Variants in PIK3C3 observed in about 807,000 individuals in gnomAD.
PIK3C3 encodes the protein phosphatidylinositol 3-kinase catalytic subunit type 3, also known as PI3-kinase type 3.
In PIK3C3, 95 loss-of-function variants were observed where a neutral mutation model predicts 126.1. The observed-to-expected ratio is 0.75, with a 90% CI of 0.64 to 0.89. PIK3C3 has a LOEUF of 0.89. Among genes scored for constraint, PIK3C3 ranks in the 40% least tolerant of loss-of-function variants. PIK3C3 has a pLI of 0.00. For synonymous variants in PIK3C3, 374 were observed against 360.0 expected (o/e 1.04, Z -0.44); for missense variants, 829 against 1,063.2 (o/e 0.78, Z 3.06).
In PIK3C3 at chr18:42,027,466, A is replaced by G; in HGVS notation, c.1508A>G (p.Asp503Gly). The G allele has an allele frequency of 6.2e-7, 1 of 1,605,920 alleles. No individual in the cohort carries two copies. The highest frequency in any genetic ancestry group is 1.3e-5 in the African/African-American group (1 of 74,816). The change falls in exon 14 of 25, where the codon GAT becomes GGT. Residue 503 changes from aspartate to glycine, a missense_variant. Physicochemically the swap from Asp to Gly is moderately conservative, Grantham distance 94 (BLOSUM62 -1). Coordinates refer to ENST00000262039, the MANE Select transcript of PIK3C3 (RefSeq NM_002647.4). ...AGGTATGTGATAGTGGAATGTGAAG[A>G]TCAAGATACTCAGCAGAGAGATCCA... ...LYWYVIVECE[D>G]QDTQQRDPKT...
At chr18:41,999,908 G>C (rs1287663247) in intron 9 of PIK3C3, among the ~76,000 whole-genome samples, 1 of 152,074 alleles carries the variant, frequency 6.6e-6, no homozygotes, top group Non-Finnish European at 1.5e-5. Context: ...TTAGGTTCAG[G>C]AAACAGTTTT....
intron 24 of PIK3C3, among the ~76,000 whole-genome samples, chr18:42,069,723 T>C (rs556991512): frequency 1.3e-5 from 2 of 152,318 alleles, no homozygotes; most frequent in African/African-American, 2.4e-5. Context: ...CTCTCCATCA[T>C]GGGTTTTCCT....
intron 15 of PIK3C3, 72 bp from the exon 16 acceptor site, chr18:42,033,754 T>C: frequency 8.7e-7 from 1 of 1,155,264 alleles, no homozygotes; most frequent in Non-Finnish European, 1.2e-6. Flanking sequence ...AATCAATTTT[T>C]ATGTCTTTAC....
In PIK3C3 at chr18:42,086,085, C is replaced by G. The variant is rs909396248; in HGVS notation, c.*4948C>G. 1 of 152,080 alleles carries G rather than the reference C, an allele frequency of 6.6e-6. No homozygotes were observed. Among genetic ancestry groups the G allele is most frequent in the African/African-American group, 2.4e-5 (1 of 41,394 alleles). The allele number at this position is 152,080 out of a possible 1,614,324, so 9.4% of individuals were successfully genotyped here. A position where few individuals can be genotyped will look rare whatever the true frequency, so the allele number is the denominator to read the frequency against. On this transcript the variant is annotated 3_prime_UTR_variant, in exon 25 of 25. Coordinates refer to ENST00000262039, the MANE Select transcript of PIK3C3 (RefSeq NM_002647.4). The stretch of plus-strand genomic sequence containing the variant: ...GCAGTGAGCTGAGATTGCACCATTG[C>G]ACTGCAGCCTGGGTAATAGAGCGAG...
intron 9 of PIK3C3, among the ~76,000 whole-genome samples, chr18:41,998,641 GT>G (rs1982140006): frequency 6.6e-6 from 1 of 152,186 alleles, no homozygotes; most frequent in Non-Finnish European, 1.5e-5. Flanking sequence ...TTGATTTCAA[GT>G]TTTCGAAAGG....
chr18:42,064,439 A>T (rs1437959086), intron 22 of PIK3C3, among the ~76,000 whole-genome samples: 2 of 152,208 alleles, frequency 1.3e-5, no homozygotes, highest in Non-Finnish European at 2.9e-5. Flanking sequence ...GATCTTCCTC[A>T]GATCCCTTCT....
intron 21 of PIK3C3, among the ~76,000 whole-genome samples, chr18:42,057,140 T>G (rs1279490476): frequency 6.7e-6 from 1 of 148,918 alleles, no homozygotes; most frequent in Non-Finnish European, 1.5e-5. Flanking sequence ...TTACATACTA[T>G]ACAATGAAAA....
At chr18:41,975,823 C>T (rs1159386528) in intron 4 of PIK3C3, among the ~76,000 whole-genome samples, 2 of 151,908 alleles carry the variant, frequency 1.3e-5, no homozygotes, top group East Asian at 1.9e-4. Flanking sequence ...CCTCAGCCTC[C>T]CAGGTAGCTG....
intron 3 of PIK3C3, among the ~76,000 whole-genome samples, chr18:41,966,971 T>C (rs1191559374): frequency 6.6e-6 from 1 of 152,220 alleles, no homozygotes; most frequent in Non-Finnish European, 1.5e-5. Context: ...CTGTTCCCCC[T>C]GTACTGGCGC....
chr18:42,010,914 G>A (rs1356677555), intron 10 of PIK3C3, among the ~76,000 whole-genome samples: 1 of 152,200 alleles, frequency 6.6e-6, no homozygotes, highest in Non-Finnish European at 1.5e-5. Context: ...TTTTTGGGCA[G>A]TAGAATGGAT....
At position 42,004,413 on chromosome 18, in the gene PIK3C3, G is replaced by T; in HGVS notation, c.1042G>T (p.Ala348Ser). ...GGATCTACCTCAAGAGGCCAAACAG[G>T]CCTTGGAACTTCTGGGAAAATGGAA... ...NWDLPQEAKQ[A>S]LELLGKWKPM... The change falls in exon 10 of 25, where the codon GCC becomes TCC. Residue 348 changes from alanine to serine, a missense_variant. By Grantham distance (99) the Ala-to-Ser change is moderately conservative (BLOSUM62 1). Around this residue, in one of 4 missense-constraint regions of PIK3C3, gnomAD observed 64 missense variants for 118.7 expected, o/e 0.54. Transcript: ENST00000262039. The T allele has an allele frequency of 1.2e-6, 2 of 1,613,750 alleles. No homozygotes were observed. Among genetic ancestry groups the T allele is most frequent in the South Asian group, 2.2e-5 (2 of 91,044 alleles).
intron 4 of PIK3C3, among the ~76,000 whole-genome samples, chr18:41,982,945 A>G (rs1981281263): frequency 6.6e-6 from 1 of 152,024 alleles, no homozygotes; most frequent in African/African-American, 2.4e-5. Flanking sequence ...GATAAGTCAT[A>G]ATTGATTTCA....
At chr18:41,989,034 A>G (rs1981640278) in intron 5 of PIK3C3, among the ~76,000 whole-genome samples, 2 of 152,122 alleles carry the variant, frequency 1.3e-5, no homozygotes, top group South Asian at 4.2e-4. Context: ...TATGCTTCAT[A>G]AAGCTGAAGA....
At chr18:41,958,789 A>G (rs2144287141) in intron 2 of PIK3C3, among the ~76,000 whole-genome samples, 1 of 152,148 alleles carries the variant, frequency 6.6e-6, no homozygotes, top group South Asian at 2.1e-4. Context: ...TATACTTAAT[A>G]CTTTTTATTC....
chr18:42,055,933 A>G (rs2144502101), intron 21 of PIK3C3, among the ~76,000 whole-genome samples: 1 of 152,250 alleles, frequency 6.6e-6, no homozygotes, highest in Admixed American at 6.5e-5. Context: ...AATAACAGGA[A>G]AATGTAATTA....
chr18:42,007,199 C>T (rs1278169926), intron 10 of PIK3C3, among the ~76,000 whole-genome samples: 3 of 152,072 alleles, frequency 2.0e-5, no homozygotes, highest in African/African-American at 7.2e-5. Context: ...AAACTGCTTG[C>T]GTTATAATTA....
chr18:41,977,993 G>T (rs533148785), intron 4 of PIK3C3, among the ~76,000 whole-genome samples: 1 of 151,846 alleles, frequency 6.6e-6, no homozygotes, highest in Non-Finnish European at 1.5e-5. Flanking sequence ...ACAGGGTCTC[G>T]CCTTTTTTCC....
intron 15 of PIK3C3, among the ~76,000 whole-genome samples, chr18:42,031,097 A>C (rs1172322907): frequency 1.3e-5 from 2 of 152,218 alleles, no homozygotes; most frequent in African/African-American, 4.8e-5. Context: ...TATTTACTAG[A>C]AACAAGCCCT....
rs529475751 is a variant in PIK3C3 at position 41,970,944 on chromosome 18, T to C, written c.531+488T>C. ...TTTTCTGGTGACATAGCCTTAAAGT[T>C]GTTAGTGTAACATTCTAGAGAAGCT... is the stretch of plus-strand genomic sequence containing the variant. On this transcript the variant is annotated intron_variant, in intron 4 of 24. Coordinates refer to ENST00000262039, the MANE Select transcript of PIK3C3 (RefSeq NM_002647.4). The C allele has an allele frequency of 1.7e-4, 28 of 169,274 alleles. No homozygotes were observed. In the East Asian group the frequency reaches 4.5e-3, roughly 27 times the overall value. 10.5% of individuals were successfully genotyped at this position (169,274 alleles called of 1,614,324 possible). A position where few individuals can be genotyped will look rare whatever the true frequency, so the allele number is the denominator to read the frequency against.
Sources: gnomAD v4.1 joint callset for allele counts (sites outside exome capture counted in the v4.1 genomes callset) on GRCh38, gnomAD v4.1.1 for gene constraint, gnomAD v4.1.1 regional missense constraint, MANE v1.5 for transcripts, NCBI Gene and HGNC (gene_info 2026-07-23, HGNC 2026-07-21) for gene names.